HYKK: variants seen among roughly 807,000 people sequenced by gnomAD.
The protein encoded by HYKK is hydroxylysine kinase.
HYKK carries 19 observed loss-of-function variants against 29.7 expected under a neutral mutation model. The ratio of observed to expected loss-of-function variants is 0.64; its 90% CI spans 0.45 to 0.94. The LOEUF (loss-of-function observed/expected upper bound fraction) is 0.94, where lower values mean the gene tolerates loss of function less well. HYKK is among the 40% of genes least tolerant of loss of function. The pLI is 0.00. For synonymous variants in HYKK, 152 were observed against 158.1 expected (o/e 0.96, Z 0.29); for missense variants, 390 against 443.4 (o/e 0.88, Z 1.08).
intron 3 of HYKK, among the ~76,000 whole-genome samples, chr15:78,521,057 A>G (rs1224911517): frequency 6.6e-6 from 1 of 152,226 alleles, no homozygotes; most frequent in Non-Finnish European, 1.5e-5. Flanking sequence ...TCTATGAAAG[A>G]TAATACACAA....
chr15:78,513,230 T>A lies in HYKK; in HGVS notation c.142T>A (p.Phe48Ile), dbSNP rs1368046793. The change falls in exon 2 of 5, where the codon TTT (phenylalanine) becomes ATT (isoleucine). Residue 48 changes from phenylalanine to isoleucine, a missense_variant. Physicochemically the swap from Phe to Ile is conservative, Grantham distance 21. Transcript: ENST00000388988. ...RPLPSYDDQN[F>I]HVYVSKTKDG... ...ACTTCCTAGCTATGATGACCAAAAC[T>A]TTCATGTCTACGTTTCAAAAACCAA... 2.5e-6 allele frequency: 4 copies of A among 1,614,178 alleles called. No homozygotes were observed. In the South Asian group the frequency reaches 4.4e-5, roughly 18 times the overall value.
intron 3 of HYKK, chr15:78,518,676 G>T (rs2052160570): frequency 2.3e-6 from 1 of 436,668 alleles, no homozygotes; most frequent in African/African-American, 2.0e-5. Context: ...CCAGCACTTT[G>T]GGAGGCCGAG....
At chr15:78,522,467 G>A (rs2052207007) in intron 3 of HYKK, among the ~76,000 whole-genome samples, 3 of 150,180 alleles carry the variant, frequency 2.0e-5, no homozygotes, top group African/African-American at 7.4e-5. Context: ...GCTGAGGCAG[G>A]AGAATCGTTT....
At chr15:78,528,351 G>GA in intron 4 of HYKK, 1 of 867,388 alleles carries the variant, frequency 1.2e-6, no homozygotes, top group Non-Finnish European at 1.4e-6. Flanking sequence ...CCTGTCCATG[G>GA]AAAAATTGTC....
At chr15:78,518,204 T>C (rs12913173) in intron 3 of HYKK, among the ~76,000 whole-genome samples, 49,083 of 152,038 alleles carry the variant, frequency 0.32, 8,784 homozygotes, top group Non-Finnish European at 0.42. Context: ...TTTATTTTTT[T>C]TGAGACAGGG....
At chr15:78,532,066 A>G (rs1441018302) in intron 4 of HYKK, among the ~76,000 whole-genome samples, 2 of 152,218 alleles carry the variant, frequency 1.3e-5, no homozygotes, top group Non-Finnish European at 1.5e-5. Context: ...TTCATTGCTC[A>G]TGGACACTTA....
chr15:78,511,360 T>G (rs529602191), intron 1 of HYKK, among the ~76,000 whole-genome samples: 149 of 152,174 alleles, frequency 9.8e-4, no homozygotes, highest in African/African-American at 3.4e-3. Context: ...CAGGTGTGGG[T>G]AGCAGAGGGT....
chr15:78,519,045 A>C (rs1056998219), intron 3 of HYKK, among the ~76,000 whole-genome samples: 2 of 152,204 alleles, frequency 1.3e-5, no homozygotes, highest in Non-Finnish European at 2.9e-5. Context: ...CCATTATTTA[A>C]AGAAAACCAG....
intron 4 of HYKK, chr15:78,528,801 C>CAAAA: frequency 1.2e-6 from 1 of 844,108 alleles, no homozygotes; most frequent in Non-Finnish European, 1.4e-6. Context: ...AATCCGTCTC[C>CAAAA]AAAAAAAAAA....
Position 78,536,411 on chromosome 15 carries a change from A to T in HYKK, c.*2741A>T, listed in dbSNP as rs1463542991. 1 of 152,114 alleles carries T rather than the reference A, an allele frequency of 6.6e-6. No individual in the cohort carries two copies. Among genetic ancestry groups the T allele is most frequent in the Non-Finnish European group, 1.5e-5 (1 of 68,030 alleles). 9.4% of individuals were successfully genotyped at this position (152,114 alleles called of 1,614,324 possible). A position where few individuals can be genotyped will look rare whatever the true frequency, so the allele number is the denominator to read the frequency against. ...CACTTATGTTTCTGAAATTTAAGGG[A>T]CTGTGGTTTTTATCTAGGTTGACCT... On this transcript the variant is annotated 3_prime_UTR_variant, in exon 5 of 5. Coordinates refer to ENST00000388988, the MANE Select transcript of HYKK (RefSeq NM_001013619.4).
rs542929475 is a variant in HYKK, at chr15:78,531,532, T to G, written c.662-1678T>G. Among the ~76,000 whole-genome samples, 3 of 152,174 alleles carry G rather than the reference T, an allele frequency of 2.0e-5. No individual in the cohort carries two copies. In the East Asian group the frequency reaches 5.8e-4, roughly 29 times the overall value. ...TTTCTGTCAAATTTTGCCATATATA[T>G]GTATATAAAATTTTTTTGAGATAGA... On this transcript the variant is annotated intron_variant, in intron 4 of 4. Transcript: ENST00000388988.
In HYKK at chr15:78,533,331, C is replaced by T. The variant is rs554283110; in HGVS notation, c.783C>T (p.Tyr261=). 1.2e-5 allele frequency: 20 copies of T among 1,614,060 alleles called. No individual in the cohort carries two copies. In the South Asian group the frequency reaches 1.9e-4, roughly 15 times the overall value. The change falls in exon 5 of 5, where the codon TAC becomes TAT. Residue 261 remains tyrosine, a synonymous_variant. Coordinates refer to ENST00000388988, the MANE Select transcript of HYKK (RefSeq NM_001013619.4). ...ILDFGDMSYG[Y]YVFEVAITIM... is the part of the protein sequence containing the mutation. ...ACTTTGGTGACATGAGCTATGGCTA[C>T]TATGTGTTTGAAGTGGCAATTACCA...
At chr15:78,525,691 G>T (rs547826702) in intron 3 of HYKK, among the ~76,000 whole-genome samples, 1 of 151,264 alleles carries the variant, frequency 6.6e-6, no homozygotes, top group African/African-American at 2.4e-5. Context: ...TAGAGACAGG[G>T]TTTCACCATG....
At chr15:78,531,042 T>C (rs1347255046) in intron 4 of HYKK, among the ~76,000 whole-genome samples, 2 of 152,200 alleles carry the variant, frequency 1.3e-5, no homozygotes, top group Middle Eastern at 3.4e-3. Context: ...TTTGTATTTT[T>C]AGTAGAGATG....
chr15:78,515,587 AT>A (rs145146182), intron 3 of HYKK, among the ~76,000 whole-genome samples: 115,339 of 127,114 alleles, frequency 0.91, 52,757 homozygotes, highest in South Asian at 0.98. Context: ...CTCCAAAGAA[AT>A]TTTTTTTTTT....
At chr15:78,514,902 C>CTCTCTG in intron 2 of HYKK, 66 bp from the exon 3 acceptor site, 1 of 486,072 alleles carries the variant, frequency 2.1e-6, no homozygotes. Context: ...CTCTCTCTCT[C>CTCTCTG]TCTCTCTATA....
intron 4 of HYKK, 95 bp from the exon 5 acceptor site, chr15:78,533,115 C>T: frequency 5.5e-6 from 4 of 733,626 alleles, no homozygotes; most frequent in Admixed American, 2.7e-5. Context: ...TCTCTGACTG[C>T]TCATCAAATT....
chr15:78,528,663 C>A, intron 4 of HYKK: 1 of 331,210 alleles, frequency 3.0e-6, no homozygotes. Flanking sequence ...ACTAGCTGGG[C>A]ATGGTGACGC....
chr15:78,525,791 G>A (rs2052248050), intron 3 of HYKK, among the ~76,000 whole-genome samples: 1 of 152,164 alleles, frequency 6.6e-6, no homozygotes. Context: ...GAGCCACCAC[G>A]CCCAGCCAGA....
Sources: allele counts gnomAD v4.1 joint callset (sites outside exome capture counted in the v4.1 genomes callset), GRCh38; gene constraint gnomAD v4.1.1; transcripts MANE v1.5; gene names NCBI Gene and HGNC (gene_info 2026-07-23, HGNC 2026-07-21).